SLC30A6: variants seen among roughly 807,000 people sequenced by gnomAD.
The protein encoded by SLC30A6 is solute carrier family 30 member 6.
A neutral mutation model predicts 63.0 loss-of-function variants in SLC30A6; 55 were observed. The ratio of observed to expected loss-of-function variants is 0.87; its 90% confidence interval spans 0.70 to 1.09. The LOEUF (loss-of-function observed/expected upper bound fraction) is 1.09. Among genes scored for constraint, SLC30A6 ranks in the 50% least tolerant of loss-of-function variants. SLC30A6 has a pLI of 0.00. For synonymous variants in SLC30A6, 224 were observed against 186.1 expected, an observed-to-expected ratio of 1.20 and a Z score of -1.66; for missense variants, 587 against 549.2, an observed-to-expected ratio of 1.07 and a Z score of -0.69.
chr2:32,169,982 G>A lies in SLC30A6; in HGVS notation c.4-1305G>A, dbSNP rs367853133. Among the ~76,000 whole-genome samples the A allele has an allele frequency of 1.5e-3, 226 of 152,274 alleles. 8 individuals carry two copies. In the South Asian group the frequency reaches 0.045, roughly 30 times the overall value. ...TAAAAATAGTTTGTGGAAGCTCATT[G>A]TGTATAGAGAAAATTGGCCTATTGT... On this transcript the variant is annotated intron_variant, in intron 1 of 13. Coordinates refer to ENST00000282587, the MANE Select transcript of SLC30A6 (RefSeq NM_017964.5).
At chr2:32,166,423 C>G (rs565533649) in intron 1 of SLC30A6, among the ~76,000 whole-genome samples, 1 of 152,280 alleles carries the variant, frequency 6.6e-6, no homozygotes, top group African/African-American at 2.4e-5. Context: ...GCAGTAACTA[C>G]AGAAAGTCAA....
At chr2:32,203,440 A>T in intron 10 of SLC30A6, 1 of 1,519,520 alleles carries the variant, frequency 6.6e-7, no homozygotes, top group East Asian at 2.3e-5. Flanking sequence ...TTTTCCAACC[A>T]TCAGCTCAGA....
chr2:32,186,153 A>G (rs1374417566), intron 5 of SLC30A6, among the ~76,000 whole-genome samples: 1 of 151,044 alleles, frequency 6.6e-6, no homozygotes, highest in Non-Finnish European at 1.5e-5. Context: ...TTATGCCTCA[A>G]CCTCCAGGGT....
At chr2:32,184,066 A>G (rs1192760299) in intron 4 of SLC30A6, among the ~76,000 whole-genome samples, 2 of 152,184 alleles carry the variant, frequency 1.3e-5, no homozygotes, top group Non-Finnish European at 2.9e-5. Flanking sequence ...AAATCTTCCA[A>G]GTATACCACA....
rs149673511 is a variant in SLC30A6 at position 32,203,713 on chromosome 2, A to G, written c.666-877A>G. 1.1e-4 allele frequency: 164 copies of G among 1,532,116 alleles called. No homozygotes were observed. In the African/African-American group the frequency reaches 2.0e-3, roughly 18 times the overall value. 94.9% of individuals were successfully genotyped at this position (1,532,116 alleles called of 1,614,324 possible). On this transcript the variant is annotated intron_variant, in intron 10 of 13. Coordinates refer to ENST00000282587, the MANE Select transcript of SLC30A6 (RefSeq NM_017964.5). ...GCGTGTTTGCTTTGATGTTCCTACA[A>G]CTAAGTCAGAAAGGTTACAGGCAGA...
chr2:32,195,694 A>G (rs1683727354), intron 8 of SLC30A6, among the ~76,000 whole-genome samples: 1 of 148,768 alleles, frequency 6.7e-6, no homozygotes, highest in Admixed American at 6.7e-5. Context: ...ATTATATTAT[A>G]TTATATTTAT....
intron 10 of SLC30A6, chr2:32,204,053 T>C (rs1221576378): frequency 1.7e-6 from 1 of 585,126 alleles, no homozygotes; most frequent in Non-Finnish European, 3.1e-6. Flanking sequence ...CCTAATCATG[T>C]ATATTATGCA....
At chr2:32,192,031 A>G (rs1368818079) in intron 5 of SLC30A6, among the ~76,000 whole-genome samples, 1 of 151,472 alleles carries the variant, frequency 6.6e-6, no homozygotes, top group Admixed American at 6.6e-5. Context: ...GGGTCCTGGT[A>G]ATTGTCTTTT....
intron 10 of SLC30A6, chr2:32,203,573 T>C: frequency 6.2e-7 from 1 of 1,600,638 alleles, no homozygotes; most frequent in East Asian, 2.2e-5. Flanking sequence ...ACCATGACTC[T>C]GGAAAGCCTA....
intron 5 of SLC30A6, among the ~76,000 whole-genome samples, chr2:32,186,388 A>G (rs1682814241): frequency 6.6e-6 from 1 of 152,204 alleles, no homozygotes; most frequent in Non-Finnish European, 1.5e-5. Context: ...AGTGACAGAA[A>G]TCTAACTTAG....
intron 1 of SLC30A6, among the ~76,000 whole-genome samples, chr2:32,168,519 A>G (rs1249864256): frequency 1.3e-5 from 2 of 151,892 alleles, no homozygotes; most frequent in Admixed American, 6.6e-5. Context: ...ATTACAAAGC[A>G]ATGTAACAAG....
chr2:32,209,235 G>T (rs1393748824), intron 12 of SLC30A6, among the ~76,000 whole-genome samples: 4 of 152,166 alleles, frequency 2.6e-5, no homozygotes, highest in Non-Finnish European at 5.9e-5. Flanking sequence ...GTTGGGGTAG[G>T]GGTTTAAAAC....
chr2:32,202,425 G>T (rs1015676569), intron 10 of SLC30A6: 1 of 261,872 alleles, frequency 3.8e-6, no homozygotes, highest in South Asian at 4.4e-5. Context: ...CGCCGCCCGG[G>T]TTCACACCAT....
Position 32,206,913 on chromosome 2 carries a change from T to G in SLC30A6, c.796T>G (p.Leu266Val). The G allele has an allele frequency of 6.2e-7, 1 of 1,610,754 alleles. No individual in the cohort carries two copies. The highest frequency in any genetic ancestry group is 8.5e-7 in the Non-Finnish European group (1 of 1,177,022). ...AACACCACCCCATGTTATTGGTCAGTTGGACAAACTCATCAGAGAGGTAAG... is the reference window on the plus strand; with the variant it reads ...AACACCACCCCATGTTATTGGTCAGGTGGACAAACTCATCAGAGAGGTAAG... ...QTTPPHVIGQ[L>V]DKLIREVSTL... Residue 266 changes from leucine (L) to valine (V), a missense_variant, in exon 12 of 14, where the codon TTG becomes GTG. Physicochemically the swap from Leu to Val is conservative, Grantham distance 32. Transcript: ENST00000282587.
chr2:32,194,883 C>T (rs1381109587), intron 8 of SLC30A6, among the ~76,000 whole-genome samples: 2 of 152,040 alleles, frequency 1.3e-5, no homozygotes, highest in Non-Finnish European at 1.5e-5. Flanking sequence ...ATAACACTTA[C>T]TCTAGAAATT....
At chr2:32,197,513 T>TGTTA (rs1453754394) in intron 9 of SLC30A6, 121 bp downstream of exon 9, 1 of 1,241,330 alleles carries the variant, frequency 8.1e-7, no homozygotes, top group African/African-American at 1.5e-5. Context: ...CAGGTCAGAT[T>TGTTA]GTTATTCTCC....
At chr2:32,204,546 A>C in intron 10 of SLC30A6, 44 bp from the exon 11 acceptor site, 1 of 1,291,724 alleles carries the variant, frequency 7.7e-7, no homozygotes, top group Non-Finnish European at 1.1e-6. Flanking sequence ...TAATATGCCC[A>C]GTGAGATATA....
chr2:32,205,391 G>A (rs534031869), intron 11 of SLC30A6, among the ~76,000 whole-genome samples: 1 of 152,228 alleles, frequency 6.6e-6, no homozygotes, highest in East Asian at 1.9e-4. Context: ...ACTGCATCCA[G>A]CCTGGGTGAC....
At chr2:32,171,254 C>G in intron 1 of SLC30A6, 33 bp from the exon 2 acceptor site, 1 of 1,564,092 alleles carries the variant, frequency 6.4e-7, no homozygotes, top group Non-Finnish European at 8.8e-7. Flanking sequence ...GATTAAATAT[C>G]TAAATGCTGA....
Sources: gnomAD v4.1 joint callset for allele counts (sites outside exome capture counted in the v4.1 genomes callset) on GRCh38, gnomAD v4.1.1 for gene constraint, MANE v1.5 for transcripts, NCBI Gene and HGNC (gene_info 2026-07-23, HGNC 2026-07-21) for gene names.